Variants in GNG4 observed in about 807,000 individuals in gnomAD.
GNG4 encodes guanine nucleotide-binding protein G(I)/G(S)/G(O) subunit gamma-4.
In GNG4, 4 loss-of-function variants were observed where a neutral mutation model predicts 5.8. The ratio of observed to expected loss-of-function variants is 0.69; its 90% CI spans 0.34 to 1.57. The LOEUF (loss-of-function observed/expected upper bound fraction) is 1.57. Among genes scored for constraint, GNG4 ranks in the 40% most tolerant of loss-of-function variants. GNG4 has a pLI of 0.06. For synonymous variants in GNG4, 29 were observed against 32.9 expected (o/e 0.88, Z 0.41); for missense variants, 96 against 95.1 (o/e 1.01, Z -0.04).
chr1:235,581,559 C>T (rs1186800645), intron 3 of GNG4, among the ~76,000 whole-genome samples: 2 of 151,862 alleles, frequency 1.3e-5, no homozygotes, highest in Non-Finnish European at 2.9e-5. Flanking sequence ...CCCCTTCTCT[C>T]TCTTTCTCCT....
rs560411429 is a variant in GNG4, at chr1:235,628,360, G to A, written c.-123+21302C>T. 5.5e-4 allele frequency among the ~76,000 whole-genome samples: 84 copies of A among 152,002 alleles called. 1 individual carries two copies. The highest frequency in any genetic ancestry group is 3.0e-3 in the Admixed American group (46 of 15,258). On this transcript the variant is annotated intron_variant, in intron 1 of 3. Coordinates refer to ENST00000391854, the MANE Select transcript of GNG4 (RefSeq NM_001098722.2). ...GAAGAGCATTGCCTGCAGGACCGGAGAGTGACCCTCTCTGCAAGCTGGGGT... is the reference window on the plus strand; with the variant it reads ...GAAGAGCATTGCCTGCAGGACCGGAAAGTGACCCTCTCTGCAAGCTGGGGT...
chr1:235,610,983 G>GAGGCTGAGGCAGGAGAATC (rs1688465476), intron 1 of GNG4, among the ~76,000 whole-genome samples: 1 of 152,172 alleles, frequency 6.6e-6, no homozygotes. Context: ...AGCTACGCAG[G>GAGGCTGAGGCAGGAGAATC]AGGCTGAGGC....
chr1:235,572,636 G>A (rs1228020816), intron 3 of GNG4, among the ~76,000 whole-genome samples: 1 of 151,584 alleles, frequency 6.6e-6, no homozygotes, highest in Non-Finnish European at 1.5e-5. Flanking sequence ...TGAGAAGCTG[G>A]GACTACAGGT....
intron 1 of GNG4, among the ~76,000 whole-genome samples, chr1:235,609,636 G>A (rs1182441473): frequency 6.6e-6 from 1 of 152,094 alleles, no homozygotes; most frequent in African/African-American, 2.4e-5. Flanking sequence ...TTCCTGGCCG[G>A]GCGCAGTGGC....
In GNG4 at chr1:235,648,720, G is replaced by C. The variant is rs1484727812; in HGVS notation, c.-123+942C>G. ...GCAGCCTAGGCGGCCTTTTGCTCCG[G>C]CTGAGAGGCACGGGCCCGGTGCCAG... is the stretch of plus-strand genomic sequence containing the variant. On this transcript the variant is annotated intron_variant, in intron 1 of 3. Coordinates refer to ENST00000391854, the MANE Select transcript of GNG4 (RefSeq NM_001098722.2). This position sits in a 1 kb window ranked among gnomAD's most constrained non-coding sequence, Gnocchi z 5.0. Among the ~76,000 whole-genome samples the C allele has an allele frequency of 2.0e-5, 3 of 152,254 alleles. No individual in the cohort carries two copies. The highest frequency in any genetic ancestry group is 4.4e-5 in the Non-Finnish European group (3 of 68,042).
In GNG4 at chr1:235,649,330, G is replaced by T. The variant is rs961198444; in HGVS notation, c.-123+332C>A. Among the ~76,000 whole-genome samples, 2 of 152,212 alleles carry T rather than the reference G, an allele frequency of 1.3e-5. No individual in the cohort carries two copies. ...GCAAACGCTCTGTGACCTACAAATG[G>T]AAGAGGGGACCCCCGAGCCCCCGCC... On this transcript the variant is annotated intron_variant, in intron 1 of 3. Coordinates refer to ENST00000391854, the MANE Select transcript of GNG4 (RefSeq NM_001098722.2). The surrounding 1 kb of genome is among the most constrained non-coding windows in gnomAD (Gnocchi z 5.7).
chr1:235,599,240 A>G (rs1268625870), intron 1 of GNG4, among the ~76,000 whole-genome samples: 3 of 151,984 alleles, frequency 2.0e-5, no homozygotes, highest in Admixed American at 6.6e-5. Flanking sequence ...CTCGTTAGCA[A>G]TGCAGAATCT....
At chr1:235,604,619 C>G (rs1688322458) in intron 1 of GNG4, among the ~76,000 whole-genome samples, 1 of 152,236 alleles carries the variant, frequency 6.6e-6, no homozygotes, top group Non-Finnish European at 1.5e-5. Flanking sequence ...ACCCACTTCT[C>G]TGTGTCTCAC....
At chr1:235,638,524 C>T (rs1418906302) in intron 1 of GNG4, among the ~76,000 whole-genome samples, 4 of 151,044 alleles carry the variant, frequency 2.6e-5, no homozygotes, top group Non-Finnish European at 5.9e-5. Flanking sequence ...TTCTGGGATA[C>T]ATGTGCAGAA....
chr1:235,550,408 C>A lies in GNG4; in HGVS notation c.*1701G>T, dbSNP rs1178417014. ...CACAGTTCAGGGGGCTAAGGGAACT[C>A]TGGGGCCGGGCTGCCTGCCCTCAAA... On this transcript the variant is annotated 3_prime_UTR_variant, in exon 4 of 4. Coordinates refer to ENST00000391854, the MANE Select transcript of GNG4 (RefSeq NM_001098722.2). The A allele has an allele frequency of 1.3e-5, 2 of 152,354 alleles. No individual in the cohort carries two copies. Among genetic ancestry groups the A allele is most frequent in the African/African-American group, 4.8e-5 (2 of 41,446 alleles). The allele number at this position is 152,354 out of a possible 1,614,324, so 9.4% of individuals were successfully genotyped here.
intron 3 of GNG4, among the ~76,000 whole-genome samples, chr1:235,575,807 G>C (rs1558481005): frequency 6.6e-6 from 1 of 152,198 alleles, no homozygotes; most frequent in Non-Finnish European, 1.5e-5. Flanking sequence ...AGGAGAATCA[G>C]GGCACCCTGA....
intron 1 of GNG4, among the ~76,000 whole-genome samples, chr1:235,638,357 G>T (rs1157275478): frequency 6.6e-6 from 1 of 152,102 alleles, no homozygotes; most frequent in African/African-American, 2.4e-5. Context: ...GTCTGAAATG[G>T]GTCTCGATGG....
chr1:235,644,336 T>C lies in GNG4; in HGVS notation c.-123+5326A>G, dbSNP rs1435416718. On this transcript the variant is annotated intron_variant, in intron 1 of 3. Coordinates refer to ENST00000391854, the MANE Select transcript of GNG4 (RefSeq NM_001098722.2). This position sits in a 1 kb window ranked among gnomAD's most constrained non-coding sequence, Gnocchi z 5.9. ...CACTGCCAGTTCCCCTTTATTTCCC[T>C]TGAGGTCAACATTTTGGAATTTTCT... 6.6e-6 allele frequency among the ~76,000 whole-genome samples: 1 copy of C among 152,182 alleles called. No homozygotes were observed. Among genetic ancestry groups the C allele is most frequent in the African/African-American group, 2.4e-5 (1 of 41,440 alleles).
At chr1:235,633,056 T>C (rs1182365365) in intron 1 of GNG4, among the ~76,000 whole-genome samples, 2 of 152,094 alleles carry the variant, frequency 1.3e-5, no homozygotes, top group African/African-American at 2.4e-5. Context: ...AAGTACGCCA[T>C]GCATGGAAGA....
intron 3 of GNG4, among the ~76,000 whole-genome samples, chr1:235,562,674 A>AAAAAAAAAAAAAAG (rs1687098283): frequency 8.3e-6 from 1 of 120,540 alleles, no homozygotes; most frequent in Non-Finnish European, 1.7e-5. Context: ...AAAAAAAAAG[A>AAAAAAAAAAAAAAG]AAAAAAAAAA....
chr1:235,650,256 T>G (rs2102994105), upstream of GNG4, among the ~76,000 whole-genome samples: 1 of 17,552 alleles, frequency 5.7e-5, no homozygotes, highest in Middle Eastern at 0.02. Flanking sequence ...GGGGGGTAAA[T>G]CACTGGGGGG....
At chr1:235,611,875 C>T (rs533227556) in intron 1 of GNG4, among the ~76,000 whole-genome samples, 4 of 151,922 alleles carry the variant, frequency 2.6e-5, no homozygotes, top group East Asian at 1.9e-4. Context: ...ACAGCCGAGG[C>T]AACATAGTAC....
At chr1:235,615,856 G>A (rs1272807016) in intron 1 of GNG4, 2 of 267,726 alleles carry the variant, frequency 7.5e-6, no homozygotes, top group Middle Eastern at 9.6e-4. Flanking sequence ...TGGGAAGGTC[G>A]TGGTGGGCTC....
At chr1:235,601,898 GT>G (rs1334182463) in intron 1 of GNG4, among the ~76,000 whole-genome samples, 1 of 152,086 alleles carries the variant, frequency 6.6e-6, no homozygotes, top group Non-Finnish European at 1.5e-5. Flanking sequence ...TCCAGGTGTG[GT>G]CCCTGGACCG....
Sources: gnomAD v4.1 joint callset for allele counts (sites outside exome capture counted in the v4.1 genomes callset) on GRCh38, gnomAD v4.1.1 for gene constraint, Gnocchi (gnomAD v3.1) non-coding constraint, MANE v1.5 for transcripts, NCBI Gene and HGNC (gene_info 2026-07-23, HGNC 2026-07-21) for gene names.